Variants in C1orf87 observed in about 807,000 individuals in gnomAD.
The protein encoded by C1orf87 is uncharacterized protein C1orf87.
Under a neutral mutation model 60.5 loss-of-function variants are expected in C1orf87, and 58 were observed. The observed-to-expected ratio is 0.96, with a 90% CI of 0.78 to 1.19. The LOEUF is 1.19. C1orf87 is among the 50% of genes most tolerant of loss of function. C1orf87 has a pLI of 0.00. For missense variants in C1orf87, 673 were observed against 638.6 expected (o/e 1.05, Z -0.58); for synonymous variants, 236 against 227.4 (o/e 1.04, Z -0.34).
At chr1:60,059,096 A>C (rs915115644) in intron 2 of C1orf87, among the ~76,000 whole-genome samples, 2 of 152,188 alleles carry the variant, frequency 1.3e-5, no homozygotes, top group Non-Finnish European at 2.9e-5. Context: ...AAAAAAATAC[A>C]TAGCGCTTTG....
chr1:59,997,867 C>G, intron 10 of C1orf87, 51 bp from the exon 11 acceptor site: 4 of 1,560,796 alleles, frequency 2.6e-6, no homozygotes, highest in Non-Finnish European at 3.5e-6. Flanking sequence ...CAGAGCTTCT[C>G]CAATCTCTTG....
chr1:60,028,775 G>T (rs905353515), intron 7 of C1orf87, among the ~76,000 whole-genome samples: 12 of 151,502 alleles, frequency 7.9e-5, no homozygotes, highest in African/African-American at 2.9e-4. Context: ...ATTTATAGAT[G>T]ATCTTGTTGC....
chr1:59,990,956 G>T, intron 11 of C1orf87, 123 bp from the exon 12 acceptor site: 1 of 951,772 alleles, frequency 1.1e-6, no homozygotes, highest in Non-Finnish European at 1.5e-6. Context: ...GCAATTTTAA[G>T]CTTCTTAAAA....
At position 60,019,699 on chromosome 1, in the gene C1orf87, C is replaced by G. The variant is rs560512147; in HGVS notation, c.1127+5702G>C. 3.9e-5 allele frequency among the ~76,000 whole-genome samples: 6 copies of G among 152,274 alleles called. No homozygotes were observed. In the East Asian group the frequency reaches 1.2e-3, roughly 29 times the overall value. On this transcript the variant is annotated intron_variant, in intron 8 of 11. Coordinates refer to ENST00000371201, the MANE Select transcript of C1orf87 (RefSeq NM_152377.3). ...GGTAGTTTCAAATGAAAATGAGGAA[C>G]TTTTTGGGAAATGGAGTAAAGGTCA...
intron 10 of C1orf87, 98 bp from the exon 11 acceptor site, chr1:59,997,914 G>A (rs1352559414): frequency 1.7e-6 from 2 of 1,197,416 alleles, no homozygotes; most frequent in Non-Finnish European, 2.3e-6. Flanking sequence ...AAGATTTATA[G>A]CAAGGTTTGA....
intron 3 of C1orf87, among the ~76,000 whole-genome samples, chr1:60,053,729 C>G (rs955103706): frequency 5.9e-5 from 9 of 151,972 alleles, no homozygotes; most frequent in African/African-American, 2.2e-4. Flanking sequence ...TATTTATATT[C>G]TCCTGTTTTT....
At position 60,069,533 on chromosome 1, in the gene C1orf87, AC is replaced by A. The variant is rs573623696; in HGVS notation, c.107+3003del. 1.3e-3 allele frequency among the ~76,000 whole-genome samples: 194 copies of A among 152,320 alleles called. 6 individuals carry two copies. The highest frequency in any genetic ancestry group is 1.6e-4 in the Non-Finnish European group (11 of 68,018). On this transcript the variant is annotated intron_variant, in intron 2 of 11. Coordinates refer to ENST00000371201, the MANE Select transcript of C1orf87 (RefSeq NM_152377.3). ...ACCTGTTTCACTCCTTGAAGCCTAC[AC>A]ATTAGTCTCTTTTGCTCTTTTGTGA...
Position 60,057,538 on chromosome 1 carries a change from G to A in C1orf87, c.108-2100C>T, listed in dbSNP as rs942398574. 6.6e-5 allele frequency among the ~76,000 whole-genome samples: 10 copies of A among 152,216 alleles called. No homozygotes were observed. In the South Asian group the frequency reaches 1.0e-3, roughly 16 times the overall value. ...CCAGTTGAACTGCAGAAAAGGAGAG[G>A]ATATCATTGATGATATAAGATGAAC... On this transcript the variant is annotated intron_variant, in intron 2 of 11. Coordinates refer to ENST00000371201, the MANE Select transcript of C1orf87 (RefSeq NM_152377.3).
At position 59,997,836 on chromosome 1, in the gene C1orf87, A is replaced by T; in HGVS notation, c.1273-20T>A. ...AGTTTTCTACCAAAACAACAAAAGC[A>T]TTGGCAACACATTCACCACCCAGAG... is the stretch of plus-strand genomic sequence containing the variant. On this transcript the variant is annotated intron_variant, in intron 10 of 11. Coordinates refer to ENST00000371201, the MANE Select transcript of C1orf87 (RefSeq NM_152377.3). The T allele has an allele frequency of 6.2e-7, 1 of 1,609,026 alleles. No individual in the cohort carries two copies. The highest frequency in any genetic ancestry group is 1.3e-5 in the African/African-American group (1 of 74,910).
intron 9 of C1orf87, among the ~76,000 whole-genome samples, chr1:60,005,771 G>A (rs1645040146): frequency 1.5e-5 from 2 of 136,478 alleles, no homozygotes; most frequent in African/African-American, 3.1e-5. Flanking sequence ...AAGCTGATTC[G>A]TGTGTGTGTG....
chr1:60,039,179 G>A (rs954611955), intron 5 of C1orf87, among the ~76,000 whole-genome samples: 3 of 152,130 alleles, frequency 2.0e-5, no homozygotes, highest in African/African-American at 7.2e-5. Context: ...CTAAGATGGT[G>A]GGATTAAGAT....
In C1orf87 at chr1:59,995,311, T is replaced by TTCACAACTCCTGTTGTGAAATAACC. The variant is rs947844350; in HGVS notation, c.1480+2297_1480+2298insGGTTATTTCACAACAGGAGTTGTGA. On this transcript the variant is annotated intron_variant, in intron 11 of 11. Coordinates refer to ENST00000371201, the MANE Select transcript of C1orf87 (RefSeq NM_152377.3). ...ATAGCCCTGTTGTGAATACCCAGAC[T>TTCACAACTCCTGTTGTGAAATAACC]CAGGGTTATTTCAATAATCTTTTCA... Among the ~76,000 whole-genome samples, 11 of 152,362 alleles carry TTCACAACTCCTGTTGTGAAATAACC rather than the reference T, an allele frequency of 7.2e-5. 1 individual carries two copies. Among genetic ancestry groups the TTCACAACTCCTGTTGTGAAATAACC allele is most frequent in the Admixed American group, 6.5e-4 (10 of 15,296 alleles).
intron 2 of C1orf87, among the ~76,000 whole-genome samples, chr1:60,063,831 G>T (rs2100329192): frequency 6.6e-6 from 1 of 152,274 alleles, no homozygotes; most frequent in Non-Finnish European, 1.5e-5. Flanking sequence ...CCTGGTGAGG[G>T]ATGGTGTTCT....
intron 11 of C1orf87, among the ~76,000 whole-genome samples, chr1:59,991,761 C>G (rs1194309208): frequency 6.6e-6 from 1 of 152,082 alleles, no homozygotes; most frequent in Non-Finnish European, 1.5e-5. Context: ...TTATATATGC[C>G]AATACCAATG....
chr1:59,995,830 C>T (rs943444711), intron 11 of C1orf87, among the ~76,000 whole-genome samples: 4 of 152,118 alleles, frequency 2.6e-5, no homozygotes, highest in Non-Finnish European at 2.9e-5. Context: ...AGCCATGTAA[C>T]TTCATTTGTA....
chr1:60,031,708 G>C (rs747790415), intron 7 of C1orf87, among the ~76,000 whole-genome samples: 1 of 152,090 alleles, frequency 6.6e-6, no homozygotes, highest in African/African-American at 2.4e-5. Flanking sequence ...TTTGCCAGTG[G>C]AAAATCTGAG....
intron 7 of C1orf87, among the ~76,000 whole-genome samples, chr1:60,027,789 G>A (rs1574308626): frequency 6.6e-6 from 1 of 152,256 alleles, no homozygotes; most frequent in East Asian, 1.9e-4. Context: ...GAGTTGGGGG[G>A]CATTCCAGGC....
intron 2 of C1orf87, among the ~76,000 whole-genome samples, chr1:60,060,148 CT>C (rs1645485651): frequency 6.8e-6 from 1 of 146,766 alleles, no homozygotes; most frequent in South Asian, 2.1e-4. Flanking sequence ...GAAATTTAGT[CT>C]TCGAAAAGAT....
intron 2 of C1orf87, among the ~76,000 whole-genome samples, chr1:60,060,103 T>TTTA (rs1557479839): frequency 6.6e-6 from 1 of 150,932 alleles, no homozygotes; most frequent in East Asian, 1.9e-4. Flanking sequence ...TTTTTTTTTT[T>TTTA]ATGTCATGGA....
Sources: allele counts gnomAD v4.1 joint callset (sites outside exome capture counted in the v4.1 genomes callset), GRCh38; gene constraint gnomAD v4.1.1; transcripts MANE v1.5; gene names NCBI Gene and HGNC (gene_info 2026-07-23, HGNC 2026-07-21).